PRKD1: variants seen among roughly 807,000 people sequenced by gnomAD.
PRKD1 encodes protein kinase D1.
PRKD1 carries 63 observed loss-of-function variants against 95.9 expected under a neutral mutation model. The ratio of observed to expected loss-of-function variants is 0.66; its 90% confidence interval spans 0.54 to 0.81. The LOEUF (loss-of-function observed/expected upper bound fraction) is 0.81, where lower values mean the gene tolerates loss of function less well. Among genes scored for constraint, PRKD1 ranks in the 30% least tolerant of loss-of-function variants. PRKD1 has a pLI of 0.00. For missense variants in PRKD1, 1,048 were observed against 1,165.3 expected, an observed-to-expected ratio of 0.90 and a Z score of 1.47; for synonymous variants, 425 against 423.1, an observed-to-expected ratio of 1.00 and a Z score of -0.05.
chr14:29,914,493 G>A (rs1024625692), intron 1 of PRKD1, among the ~76,000 whole-genome samples: 16 of 152,298 alleles, frequency 1.1e-4, no homozygotes, highest in Middle Eastern at 3.4e-3. Flanking sequence ...AGTGGCTCAC[G>A]CCTGTAATCT....
intron 15 of PRKD1, among the ~76,000 whole-genome samples, chr14:29,598,592 A>T (rs60923063): frequency 7.2e-5 from 11 of 152,142 alleles, no homozygotes; most frequent in African/African-American, 2.7e-4. Flanking sequence ...TAGGGAAGCA[A>T]GGCAGGACAG....
At chr14:29,761,780 C>CTTTTT (rs751775466) in intron 1 of PRKD1, among the ~76,000 whole-genome samples, 5 of 135,160 alleles carry the variant, frequency 3.7e-5, no homozygotes, top group Admixed American at 7.6e-5. Context: ...GATGTTCTTT[C>CTTTTT]TTTTTTTTTT....
At chr14:29,834,043 C>A (rs980584487) in intron 1 of PRKD1, among the ~76,000 whole-genome samples, 3 of 152,128 alleles carry the variant, frequency 2.0e-5, no homozygotes, top group Non-Finnish European at 4.4e-5. Flanking sequence ...AGATTTCCTA[C>A]AAGAGACTTA....
intron 1 of PRKD1, among the ~76,000 whole-genome samples, chr14:29,806,166 T>G (rs1285377295): frequency 6.6e-6 from 1 of 152,178 alleles, no homozygotes; most frequent in Non-Finnish European, 1.5e-5. Context: ...TGAAAAGATC[T>G]CAATAACAAG....
intron 1 of PRKD1, among the ~76,000 whole-genome samples, chr14:29,829,139 A>G (rs758514344): frequency 5.3e-5 from 8 of 152,224 alleles, no homozygotes; most frequent in Non-Finnish European, 1.2e-4. Context: ...ATGTGAGTGA[A>G]GAAAACTTTG....
At position 29,826,844 on chromosome 14, in the gene PRKD1, C is replaced by CACATATATATATAT. The variant is rs1323754040; in HGVS notation, c.264+100404_264+100405insATATATATATATGT. Among the ~76,000 whole-genome samples the CACATATATATATAT allele has an allele frequency of 4.2e-4, 12 of 28,676 alleles. 1 individual carries two copies. The highest frequency in any genetic ancestry group is 2.3e-3 in the East Asian group (2 of 856). 18.8% of individuals were successfully genotyped at this position (28,676 alleles called of 152,430 possible). ...ATATATATATATATATATATACACA[C>CACATATATATATAT]ATATATATATATATATATATATATA... On this transcript the variant is annotated intron_variant, in intron 1 of 17. Transcript: ENST00000331968.
rs553930359 is a variant in PRKD1 at position 29,909,100 on chromosome 14, G to A, written c.264+18149C>T. Among the ~76,000 whole-genome samples the A allele has an allele frequency of 3.0e-3, 459 of 152,264 alleles. 1 individual carries two copies. Among genetic ancestry groups the A allele is most frequent in the Non-Finnish European group, 3.5e-3 (235 of 67,992 alleles). On this transcript the variant is annotated intron_variant, in intron 1 of 17. Coordinates refer to ENST00000331968, the MANE Select transcript of PRKD1 (RefSeq NM_002742.3). ...GGCCCCACACTCAGAGTGGCTGGCC[G>A]GCGCTGCCAGCCCCAGGCAGTGAGG...
At chr14:29,720,779 C>CAAA (rs199687649) in intron 2 of PRKD1, among the ~76,000 whole-genome samples, 1 of 146,780 alleles carries the variant, frequency 6.8e-6, no homozygotes, top group Admixed American at 6.8e-5. Context: ...GATTCTGTCT[C>CAAA]AAAAAAAATA....
intron 4 of PRKD1, among the ~76,000 whole-genome samples, chr14:29,649,214 T>C (rs913256993): frequency 6.6e-6 from 1 of 152,156 alleles, no homozygotes; most frequent in Non-Finnish European, 1.5e-5. Context: ...TTGATTGTTT[T>C]TTCACAGGTG....
chr14:29,651,654 T>C (rs1441417234), intron 4 of PRKD1, among the ~76,000 whole-genome samples: 18 of 152,032 alleles, frequency 1.2e-4, no homozygotes, highest in Non-Finnish European at 2.9e-5. Flanking sequence ...ATCTTTCTTT[T>C]TTTTTTTTCC....
chr14:29,749,504 G>A (rs1245371265), intron 1 of PRKD1, among the ~76,000 whole-genome samples: 1 of 152,144 alleles, frequency 6.6e-6, no homozygotes, highest in East Asian at 1.9e-4. Context: ...TCCAACCACA[G>A]CACAGTCACC....
At chr14:29,759,486 A>G (rs905351870) in intron 1 of PRKD1, among the ~76,000 whole-genome samples, 27 of 152,236 alleles carry the variant, frequency 1.8e-4, no homozygotes, top group Admixed American at 9.2e-4. Flanking sequence ...ACACTGTCAT[A>G]ACATTAATAC....
chr14:29,825,364 CGTA>C (rs755768964), intron 1 of PRKD1, among the ~76,000 whole-genome samples: 1 of 151,992 alleles, frequency 6.6e-6, no homozygotes, highest in African/African-American at 2.4e-5. Context: ...GACTTTAAGA[CGTA>C]GTCACTGGTC....
At chr14:29,874,399 T>C (rs1893215119) in intron 1 of PRKD1, among the ~76,000 whole-genome samples, 1 of 152,174 alleles carries the variant, frequency 6.6e-6, no homozygotes, top group Non-Finnish European at 1.5e-5. Flanking sequence ...GTATGACCAC[T>C]ACGGAAAACA....
chr14:29,834,413 T>C (rs1228198678), intron 1 of PRKD1, among the ~76,000 whole-genome samples: 4 of 152,158 alleles, frequency 2.6e-5, no homozygotes, highest in Non-Finnish European at 4.4e-5. Flanking sequence ...GTTTGTTTTA[T>C]ATAGTGCAAA....
chr14:29,831,907 T>C (rs1330932619), intron 1 of PRKD1, among the ~76,000 whole-genome samples: 1 of 152,132 alleles, frequency 6.6e-6, no homozygotes, highest in South Asian at 2.1e-4. Flanking sequence ...AAAATTATGG[T>C]TGGGGGACCT....
chr14:29,603,394 A>G (rs1329460176), intron 13 of PRKD1, among the ~76,000 whole-genome samples: 1 of 152,198 alleles, frequency 6.6e-6, no homozygotes, highest in Non-Finnish European at 1.5e-5. Flanking sequence ...TTTGATAGTA[A>G]CAAAAGAAAA....
chr14:29,726,941 AT>A (rs1335329824), intron 1 of PRKD1, among the ~76,000 whole-genome samples: 1 of 152,054 alleles, frequency 6.6e-6, no homozygotes, highest in East Asian at 1.9e-4. Context: ...GTCAAATGGT[AT>A]TTCTAGTTCT....
intron 1 of PRKD1, among the ~76,000 whole-genome samples, chr14:29,814,220 G>T (rs748682788): frequency 2.0e-5 from 3 of 152,176 alleles, no homozygotes; most frequent in Non-Finnish European, 4.4e-5. Flanking sequence ...GACCTCACCT[G>T]ACTGTATTGT....
Sources: allele counts gnomAD v4.1 joint callset (sites outside exome capture counted in the v4.1 genomes callset), GRCh38; gene constraint gnomAD v4.1.1; transcripts MANE v1.5; gene names NCBI Gene and HGNC (gene_info 2026-07-23, HGNC 2026-07-21).